The following CUBN variants were observed in gnomAD, a reference collection of about 807,000 sequenced individuals.
CUBN encodes the protein 460 kDa receptor.
CUBN carries 282 observed loss-of-function variants against 405.3 expected under a neutral mutation model. That is an observed-to-expected ratio of 0.70 (90% CI 0.63 to 0.77). The LOEUF (loss-of-function observed/expected upper bound fraction) is 0.77, where lower values mean the gene tolerates loss of function less well. CUBN is among the 30% of genes least tolerant of loss of function. The pLI is 0.00. For synonymous variants in CUBN, 1,684 were observed against 1,617.0 expected (o/e 1.04, Z -0.99); for missense variants, 4,514 against 4,475.2 (o/e 1.01, Z -0.25).
At position 16,906,267 on chromosome 10, in the gene CUBN, G is replaced by C. The variant is rs747007380; in HGVS notation, c.7848C>G (p.His2616Gln). 6 of 1,614,102 alleles carry C rather than the reference G, an allele frequency of 3.7e-6. No homozygotes were observed. The South Asian group carries it at 6.6e-5, about 18-fold the overall frequency. The change falls in exon 50 of 67, where the codon CAC (histidine) becomes CAG (glutamine). Residue 2616 changes from histidine (H) to glutamine (Q), a missense_variant. By Grantham distance (24) the His-to-Gln change is conservative. This residue lies in a region of CUBN where 1,613 missense variants were observed against 1,542.8 expected (regional missense o/e 1.05). Coordinates refer to ENST00000377833, the MANE Select transcript of CUBN (RefSeq NM_001081.4). ...PNQGNSSISI[H>Q]FEDFYLESHQ... ...GACTTTCTAGGTAAAAATCTTCAAA[G>C]TGAATGGAAATGGATGAATTTCCCT...
At chr10:16,836,858 C>T (rs1839186488) in intron 62 of CUBN, among the ~76,000 whole-genome samples, 1 of 152,200 alleles carries the variant, frequency 6.6e-6, no homozygotes, top group African/African-American at 2.4e-5. Flanking sequence ...CAGCCGGGGC[C>T]TGTCATGAGG....
Position 16,859,199 on chromosome 10 carries a change from G to T in CUBN, c.9455-7756C>A, listed in dbSNP as rs146416200. ...AAAATTAAAAGGCAAGATATAGACTGGGAAATAACATTTGCAAACCACATA... is the reference window on the plus strand; with the variant it reads ...AAAATTAAAAGGCAAGATATAGACTTGGAAATAACATTTGCAAACCACATA... On this transcript the variant is annotated intron_variant, in intron 59 of 66. Coordinates refer to ENST00000377833, the MANE Select transcript of CUBN (RefSeq NM_001081.4). Among the ~76,000 whole-genome samples, 517 of 152,196 alleles carry T rather than the reference G, an allele frequency of 3.4e-3. 8 individuals are homozygous for T. Among genetic ancestry groups the T allele is most frequent in the African/African-American group, 0.012 (501 of 41,522 alleles).
intron 27 of CUBN, among the ~76,000 whole-genome samples, chr10:17,024,875 A>G (rs1207546768): frequency 6.6e-6 from 1 of 152,232 alleles, no homozygotes; most frequent in African/African-American, 2.4e-5. Flanking sequence ...ATTGACATCT[A>G]ATTCATACTG....
rs1424933327 is a variant in CUBN, at chr10:17,013,400, G to GTC, written c.4168+6431_4168+6432dup. 2.1e-5 allele frequency among the ~76,000 whole-genome samples: 3 copies of GTC among 145,648 alleles called. No homozygotes were observed. The East Asian group carries it at 5.9e-4, about 29-fold the overall frequency. ...TCTCTTTCTCTCTGACTCCCTCTTTGTCTCTCTCTTCCTCTCTCTGTCTCT... is the reference window on the plus strand; with the variant it reads ...TCTCTTTCTCTCTGACTCCCTCTTTGTCTCTCTCTCTTCCTCTCTCTGTCTCT... On this transcript the variant is annotated intron_variant, in intron 28 of 66. Coordinates refer to ENST00000377833, the MANE Select transcript of CUBN (RefSeq NM_001081.4).
chr10:16,947,620 C>T (rs145581992), intron 35 of CUBN, among the ~76,000 whole-genome samples: 61 of 152,292 alleles, frequency 4.0e-4, no homozygotes, highest in Middle Eastern at 3.4e-3. Context: ...TTCCTGTGAA[C>T]GGTAACTTTG....
chr10:16,881,324 G>A (rs1840660564), intron 56 of CUBN, among the ~76,000 whole-genome samples: 1 of 152,286 alleles, frequency 6.6e-6, no homozygotes, highest in East Asian at 1.9e-4. Context: ...TGAAAAGGCT[G>A]TGAAACATAA....
intron 43 of CUBN, among the ~76,000 whole-genome samples, chr10:16,924,314 G>A (rs1842120699): frequency 6.6e-6 from 1 of 152,130 alleles, no homozygotes; most frequent in African/African-American, 2.4e-5. Flanking sequence ...CTGCATTAAA[G>A]CTCCCTCCTT....
chr10:17,079,722 CTG>C (rs1239918879), intron 17 of CUBN, among the ~76,000 whole-genome samples: 3 of 152,086 alleles, frequency 2.0e-5, no homozygotes, highest in African/African-American at 7.2e-5. Flanking sequence ...GGTGTGTAGT[CTG>C]TGAATTGCAG....
At chr10:16,922,509 T>C (rs1449424136) in intron 43 of CUBN, among the ~76,000 whole-genome samples, 1 of 152,196 alleles carries the variant, frequency 6.6e-6, no homozygotes, top group Non-Finnish European at 1.5e-5. Context: ...GTTCAGGCTT[T>C]GGAGCAAAAA....
intron 56 of CUBN, among the ~76,000 whole-genome samples, chr10:16,887,751 G>A (rs751843713): frequency 3.3e-5 from 5 of 152,162 alleles, no homozygotes; most frequent in East Asian, 1.9e-4. Flanking sequence ...TCAAATCAGC[G>A]TGTCCAAGAG....
chr10:16,928,947 G>A (rs1190535094), intron 40 of CUBN, among the ~76,000 whole-genome samples: 4 of 151,652 alleles, frequency 2.6e-5, no homozygotes, highest in Non-Finnish European at 4.4e-5. Flanking sequence ...TATGTCTGTC[G>A]ATTAGAGACT....
chr10:17,054,700 T>C (rs1835351794), intron 22 of CUBN, among the ~76,000 whole-genome samples: 1 of 152,028 alleles, frequency 6.6e-6, no homozygotes, highest in Non-Finnish European at 1.5e-5. Flanking sequence ...ACTGTGCAAA[T>C]ATATTTGACA....
At chr10:16,969,376 G>A (rs1379470435) in intron 31 of CUBN, among the ~76,000 whole-genome samples, 1 of 137,226 alleles carries the variant, frequency 7.3e-6, no homozygotes, top group African/African-American at 2.7e-5. Context: ...TTTTTTTTTA[G>A]ATGGAGTCTT....
rs1316366573 is a variant in CUBN at position 16,842,035 on chromosome 10, T to C, written c.9664-988A>G. 2.0e-5 allele frequency among the ~76,000 whole-genome samples: 3 copies of C among 148,412 alleles called. 1 individual carries two copies. In the South Asian group the frequency reaches 6.4e-4, roughly 32 times the overall value. On this transcript the variant is annotated intron_variant, in intron 60 of 66. Transcript: ENST00000377833. ...ACAGCAACTGTTACCTTCTTCTATA[T>C]ACTACATATTTAGCTTTTTTTTTTT...
Position 17,103,178 on chromosome 10 carries a change from C to G in CUBN, c.1477G>C (p.Gly493Arg). The G allele has an allele frequency of 1.9e-6, 3 of 1,613,916 alleles. No individual in the cohort carries two copies. The highest frequency in any genetic ancestry group is 1.7e-6 in the Non-Finnish European group (2 of 1,179,910). The change falls in exon 13 of 67, where the codon GGT (glycine) becomes CGT (arginine). Residue 493 changes from glycine to arginine, a missense_variant. Physicochemically the swap from Gly to Arg is moderately radical, Grantham distance 125. Transcript: ENST00000377833. ...AAGCAGTTAACATCATGAACATAAC[C>G]AACATCCGGGCTCCTGTAGCTGAAG... ...GSFSYRSPDVGYVHDVNCFWV... is the reference protein window; with the variant it reads ...GSFSYRSPDVRYVHDVNCFWV...
intron 15 of CUBN, among the ~76,000 whole-genome samples, chr10:17,087,392 A>ACCTCT (rs1453899260): frequency 5.4e-5 from 8 of 149,434 alleles, no homozygotes; most frequent in African/African-American, 2.0e-4. Context: ...TTCGGCTGAT[A>ACCTCT]CCTCTCCTCT....
intron 59 of CUBN, among the ~76,000 whole-genome samples, chr10:16,864,948 CTTTTT>C (rs35045969): frequency 4.4e-4 from 22 of 50,054 alleles, no homozygotes; most frequent in African/African-American, 2.0e-3. Flanking sequence ...CCATGCCCAG[CTTTTT>C]TTTTTTTTTT....
intron 23 of CUBN, among the ~76,000 whole-genome samples, 195 bp downstream of exon 23, chr10:17,047,219 A>C (rs1325951259): frequency 1.3e-5 from 2 of 152,194 alleles, no homozygotes; most frequent in Non-Finnish European, 2.9e-5. Context: ...CTTCAAAATA[A>C]CCACAGAATC....
intron 28 of CUBN, among the ~76,000 whole-genome samples, chr10:16,993,084 C>T (rs1246376122): frequency 6.6e-6 from 1 of 152,080 alleles, no homozygotes; most frequent in Admixed American, 6.6e-5. Context: ...GATGTACCAC[C>T]TTTTACTAAA....
Sources: gnomAD v4.1 joint callset for allele counts (sites outside exome capture counted in the v4.1 genomes callset) on GRCh38, gnomAD v4.1.1 for gene constraint, gnomAD v4.1.1 regional missense constraint, MANE v1.5 for transcripts, NCBI Gene and HGNC (gene_info 2026-07-23, HGNC 2026-07-21) for gene names.